LAMA5: variants seen among roughly 807,000 people sequenced by gnomAD.
LAMA5 encodes laminin subunit alpha 5.
Under a neutral mutation model 433.4 loss-of-function variants are expected in LAMA5, and 260 were observed. The observed-to-expected ratio is 0.60, with a 90% CI of 0.54 to 0.66. The LOEUF is 0.66. LAMA5 is among the 30% of genes least tolerant of loss of function. The probability of loss-of-function intolerance (pLI) is 0.00; values close to 1 mark genes in which losing one functional copy is unlikely to be tolerated. For missense variants in LAMA5, 5,378 were observed against 5,258.5 expected (o/e 1.02, Z -0.70); for synonymous variants, 2,620 against 2,226.6 (o/e 1.18, Z -4.97).
In LAMA5 at chr20:62,330,791, G is replaced by A; in HGVS notation, c.3804C>T (p.Pro1268=). 1 of 1,560,400 alleles carries A rather than the reference G, an allele frequency of 6.4e-7. No individual in the cohort carries two copies. Among genetic ancestry groups the A allele is most frequent in the Non-Finnish European group, 8.7e-7 (1 of 1,153,678 alleles). Reference sequence around the variant, plus strand: ...GCTCTGCATCAGGGTCCACAGCGGTGGGGGGCCGAGGTCGGGGTCCAGCTG... The same window carrying A: ...GCTCTGCATCAGGGTCCACAGCGGTAGGGGGCCGAGGTCGGGGTCCAGCTG... ...MSPAGPRPRP[P]TAVDPDAEPT... The change falls in exon 30 of 80, where the codon CCC becomes CCT. Residue 1268 remains proline (P), a synonymous_variant. Coordinates refer to ENST00000252999, the MANE Select transcript of LAMA5 (RefSeq NM_005560.6).
At chr20:62,327,146 T>G in intron 38 of LAMA5, 87 bp downstream of exon 38, 1 of 1,342,374 alleles carries the variant, frequency 7.4e-7, no homozygotes. Context: ...TCCCCCTCCC[T>G]GGACAGACCC....
rs368289730 is a variant in LAMA5 at position 62,334,236 on chromosome 20, C to T, written c.2689G>A (p.Glu897Lys). 8.1e-6 allele frequency: 13 copies of T among 1,612,772 alleles called. No homozygotes were observed. In the Admixed American group the frequency reaches 8.3e-5, roughly 10 times the overall value. Residue 897 changes from glutamate (E) to lysine (K), a missense_variant, in exon 22 of 80, where the codon GAG (glutamate) becomes AAG (lysine). Transcript: ENST00000252999. ...HAVRFGFNPL[E>K]FENFSWRGYA... ...CCCCTCCAGCTGAAGTTCTCGAACT[C>T]GAGGGGGTTGAAGCCAAAGCGCACG...
At chr20:62,347,939 C>G (rs1983631230) in intron 6 of LAMA5, among the ~76,000 whole-genome samples, 1 of 152,172 alleles carries the variant, frequency 6.6e-6, no homozygotes, top group African/African-American at 2.4e-5. Flanking sequence ...AGGGCCATAC[C>G]CTCAATGAGA....
rs559623068 is a variant in LAMA5, at chr20:62,328,724, G to C, written c.4447+120C>G. The C allele has an allele frequency of 3.4e-5, 35 of 1,039,958 alleles. No homozygotes were observed. The South Asian group carries it at 5.2e-4, about 15-fold the overall frequency. 64.4% of individuals were successfully genotyped at this position (1,039,958 alleles called of 1,614,324 possible). ...TGGGCCCAGGCCCGCAGATGGGGCA[G>C]CAATGCTGCCCTGCCAGGCTCTAGA... On this transcript the variant is annotated intron_variant, in intron 34 of 79. Coordinates refer to ENST00000252999, the MANE Select transcript of LAMA5 (RefSeq NM_005560.6).
Position 62,311,193 on chromosome 20 carries a change from A to T in LAMA5, c.10057T>A (p.Phe3353Ile). Reference protein sequence around the residue: ...FGGSLSSHLEFVGILARHRNW... With the variant: ...FGGSLSSHLEIVGILARHRNW... Reference sequence around the variant, plus strand: ...CTATGTCGGGCCAGGATGCCCACAAACTCCAGGTGACTGGACAGGGAACCC... The same window carrying T: ...CTATGTCGGGCCAGGATGCCCACAATCTCCAGGTGACTGGACAGGGAACCC... Residue 3353 changes from phenylalanine (F) to isoleucine (I), a missense_variant, in exon 73 of 80, where the codon TTT becomes ATT. By Grantham distance (21) the Phe-to-Ile change is conservative (BLOSUM62 0). Transcript: ENST00000252999. The T allele has an allele frequency of 6.2e-7, 1 of 1,605,934 alleles. No homozygotes were observed. The highest frequency in any genetic ancestry group is 1.3e-5 in the African/African-American group (1 of 74,300).
chr20:62,319,013 T>C lies in LAMA5; in HGVS notation c.6872A>G (p.Glu2291Gly). Residue 2291 changes from glutamate (E) to glycine (G), a missense_variant and splice_region_variant, in exon 52 of 80, where the codon GAG (glutamate) becomes GGG (glycine). Glu to Gly is a moderately conservative substitution (Grantham distance 98). Coordinates refer to ENST00000252999, the MANE Select transcript of LAMA5 (RefSeq NM_005560.6). The part of the protein sequence containing the change: ...AIRAVDRTLS[E>G]LMSQTGHLGL... ...CAGGTGGCCCGTCTGGGACATGAGC[T>C]CTGTGGGGCAGGGGTTCGTCAGAGC... is the stretch of plus-strand genomic sequence containing the variant. 1 of 1,572,688 alleles carries C rather than the reference T, an allele frequency of 6.4e-7. No homozygotes were observed. The highest frequency in any genetic ancestry group is 1.7e-4 in the Middle Eastern group (1 of 5,922).
intron 11 of LAMA5, among the ~76,000 whole-genome samples, chr20:62,340,830 T>A (rs1340148029): frequency 3.3e-5 from 5 of 149,956 alleles, no homozygotes; most frequent in Non-Finnish European, 5.9e-5. Context: ...AGGTCAGGAG[T>A]TCGAGATCAG....
intron 2 of LAMA5, among the ~76,000 whole-genome samples, chr20:62,355,011 C>T (rs1897854246): frequency 6.6e-6 from 1 of 152,218 alleles, no homozygotes; most frequent in Non-Finnish European, 1.5e-5. Flanking sequence ...TGTGGCCTGC[C>T]TGTCCCGGCC....
intron 1 of LAMA5, among the ~76,000 whole-genome samples, chr20:62,363,826 A>T (rs1289333559): frequency 6.6e-6 from 1 of 151,898 alleles, no homozygotes; most frequent in Non-Finnish European, 1.5e-5. Context: ...CCTCGCCCAG[A>T]GTGTGCCCTC....
rs41304653 is a variant in LAMA5, at chr20:62,312,619, G to A, written c.9227+13C>T. The stretch of plus-strand genomic sequence containing the variant: ...AGCCTGGCCTCGGAGCCCCAGCTGC[G>A]CACAGTGCTTACCTCGGGGGCAGCT... On this transcript the variant is annotated intron_variant, in intron 67 of 79. Transcript: ENST00000252999. The A allele has an allele frequency of 0.02, 32,080 of 1,602,994 alleles. 370 individuals carry two copies. Among genetic ancestry groups the A allele is most frequent in the Non-Finnish European group, 0.023 (26,669 of 1,176,540 alleles).
At position 62,333,686 on chromosome 20, in the gene LAMA5, C is replaced by A; in HGVS notation, c.2899G>T (p.Val967Leu). The A allele has an allele frequency of 6.3e-7, 1 of 1,594,146 alleles. No homozygotes were observed. ...CANCTAQSQP[V>L]AFPPSTEPAF... ...GGCTCCGTGCTGGGTGGGAAGGCCACGGGCTGACTCTGTGCTGTGCCTGGG... is the reference window on the plus strand; with the variant it reads ...GGCTCCGTGCTGGGTGGGAAGGCCAAGGGCTGACTCTGTGCTGTGCCTGGG... The change falls in exon 24 of 80, where the codon GTG becomes TTG. Residue 967 changes from valine to leucine, a missense_variant. Transcript: ENST00000252999.
intron 20 of LAMA5, 149 bp downstream of exon 20, chr20:62,334,872 C>A: frequency 1.3e-6 from 1 of 769,000 alleles, no homozygotes; most frequent in South Asian, 1.7e-5. Flanking sequence ...CTCTCCCACA[C>A]CCTGGCACAG....
At chr20:62,340,646 T>C (rs1409381726) in intron 11 of LAMA5, among the ~76,000 whole-genome samples, 1 of 151,986 alleles carries the variant, frequency 6.6e-6, no homozygotes, top group Non-Finnish European at 1.5e-5. Context: ...CGGTACTCCA[T>C]AGAGAACACA....
At chr20:62,351,344 G>T in intron 6 of LAMA5, 1 of 396,808 alleles carries the variant, frequency 2.5e-6, no homozygotes, top group Non-Finnish European at 4.7e-6. Flanking sequence ...CTTGGAGTCG[G>T]GGATCAATCA....
At position 62,352,337 on chromosome 20, in the gene LAMA5, G is replaced by T. The variant is rs765464944; in HGVS notation, c.592C>A (p.Arg198=). 6.3e-6 allele frequency: 10 copies of T among 1,599,228 alleles called. No individual in the cohort carries two copies. Among genetic ancestry groups the T allele is most frequent in the Non-Finnish European group, 8.5e-6 (10 of 1,179,578 alleles). ...FASSKRDCLE[R]FGPQTLERIT... is the part of the protein sequence containing the mutation. Reference sequence around the variant, plus strand: ...CGCTCCAGCGTCTGTGGCCCGAACCGCTCCAGACAGTCCCTCTTGGAGGCT... The same window carrying T: ...CGCTCCAGCGTCTGTGGCCCGAACCTCTCCAGACAGTCCCTCTTGGAGGCT... Residue 198 remains arginine, a synonymous_variant, in exon 4 of 80, where the codon CGG becomes AGG. Transcript: ENST00000252999.
In LAMA5 at chr20:62,351,874, G is replaced by A. The variant is rs574581241; in HGVS notation, c.858+35C>T. The A allele has an allele frequency of 1.3e-5, 20 of 1,577,882 alleles. No individual in the cohort carries two copies. The Middle Eastern group carries it at 5.0e-4, about 39-fold the overall frequency. On this transcript the variant is annotated intron_variant, in intron 5 of 79. Coordinates refer to ENST00000252999, the MANE Select transcript of LAMA5 (RefSeq NM_005560.6). Reference sequence around the variant, plus strand: ...CCTGAGTCCCGGGTCCACCCGGCCAGTCCCCCTCCCCCGCCTGCGCCATGG... The same window carrying A: ...CCTGAGTCCCGGGTCCACCCGGCCAATCCCCCTCCCCCGCCTGCGCCATGG...
At chr20:62,337,985 G>A (rs1201923272) in intron 14 of LAMA5, 31 bp downstream of exon 14, 1 of 1,595,852 alleles carries the variant, frequency 6.3e-7, no homozygotes, top group African/African-American at 1.3e-5. Flanking sequence ...GTGGGTGGCA[G>A]AACCCCTTCC....
rs1005403217 is a variant in LAMA5, at chr20:62,324,810, C to T, written c.5530-256G>A. 1.9e-6 allele frequency: 1 copy of T among 515,090 alleles called. No individual in the cohort carries two copies. Among genetic ancestry groups the T allele is most frequent in the African/African-American group, 1.9e-5 (1 of 52,112 alleles). The allele number at this position is 515,090 out of a possible 1,614,324, so 31.9% of individuals were successfully genotyped here. A position where few individuals can be genotyped will look rare whatever the true frequency, so the allele number is the denominator to read the frequency against. Reference sequence around the variant, plus strand: ...TGTCCTGTCTCGGGAATGACCAGGCCTTGGGGCTGGTGACCACCCACTCCA... The same window carrying T: ...TGTCCTGTCTCGGGAATGACCAGGCTTTGGGGCTGGTGACCACCCACTCCA... On this transcript the variant is annotated intron_variant, in intron 41 of 79. Transcript: ENST00000252999. The surrounding 1 kb of genome is among the most constrained non-coding windows in gnomAD (Gnocchi z 4.4).
At chr20:62,338,662 G>T in intron 11 of LAMA5, 54 bp from the exon 12 acceptor site, 2 of 1,520,764 alleles carry the variant, frequency 1.3e-6, no homozygotes, top group Non-Finnish European at 1.8e-6. Flanking sequence ...ACCCCAGTAC[G>T]CCCCTCCTGG....
Sources: allele counts gnomAD v4.1 joint callset (sites outside exome capture counted in the v4.1 genomes callset), GRCh38; gene constraint gnomAD v4.1.1; non-coding constraint Gnocchi (gnomAD v3.1); transcripts MANE v1.5; gene names NCBI Gene and HGNC (gene_info 2026-07-23, HGNC 2026-07-21).